The following LPP variants were observed in gnomAD, a reference collection of about 807,000 sequenced individuals.
LPP encodes the protein lipoma-preferred partner.
LPP carries 38 observed loss-of-function variants against 60.4 expected under a neutral mutation model. The observed-to-expected ratio is 0.63, with a 90% CI of 0.49 to 0.83. The LOEUF is 0.83. LPP is among the 40% of genes least tolerant of loss of function. The pLI, the probability that LPP is intolerant of heterozygous loss-of-function variation, is 0.00. For missense variants in LPP, 902 were observed against 783.6 expected, an observed-to-expected ratio of 1.15 and a Z score of -1.80; for synonymous variants, 328 against 290.8, an observed-to-expected ratio of 1.13 and a Z score of -1.30.
At chr3:188,216,882 G>A (rs1713826055) in intron 1 of LPP, among the ~76,000 whole-genome samples, 1 of 152,250 alleles carries the variant, frequency 6.6e-6, no homozygotes, top group Admixed American at 6.5e-5. Context: ...GTTAGCCACA[G>A]TGCAGGGCTA....
At chr3:188,689,017 G>T (rs1169779534) in intron 7 of LPP, among the ~76,000 whole-genome samples, 1 of 152,344 alleles carries the variant, frequency 6.6e-6, no homozygotes, top group African/African-American at 2.4e-5. Context: ...AACGAGAAAA[G>T]AATGAGATGT....
At chr3:188,447,701 G>A (rs555259208) in intron 4 of LPP, among the ~76,000 whole-genome samples, 19 of 150,846 alleles carry the variant, frequency 1.3e-4, no homozygotes, top group East Asian at 9.8e-4. Context: ...CTTAAAACCC[G>A]GGAAGTGGAG....
At chr3:188,669,818 G>A (rs1163591620) in intron 7 of LPP, among the ~76,000 whole-genome samples, 2 of 152,144 alleles carry the variant, frequency 1.3e-5, no homozygotes, top group Non-Finnish European at 2.9e-5. Context: ...GTTTACTGCA[G>A]CACTCTTCAC....
intron 1 of LPP, among the ~76,000 whole-genome samples, chr3:188,171,459 C>T (rs1300039268): frequency 1.3e-5 from 2 of 152,226 alleles, no homozygotes; most frequent in Admixed American, 1.3e-4. Flanking sequence ...CTTCCTCTCT[C>T]CTCACCTTTT....
At chr3:188,555,416 C>T (rs1332878671) in intron 6 of LPP, among the ~76,000 whole-genome samples, 2 of 152,036 alleles carry the variant, frequency 1.3e-5, no homozygotes, top group African/African-American at 4.8e-5. Context: ...CCAGAAGTGA[C>T]AACACAAACT....
rs1057319659 is a variant in LPP, at chr3:188,727,233, TA to T, written c.1240+18841del. Reference sequence around the variant, plus strand: ...GGGATGATTATAAAAGTGTCTGTGATAGGGGGTTTTGGAGGATTAAATAAGT... The same window carrying T: ...GGGATGATTATAAAAGTGTCTGTGATGGGGGTTTTGGAGGATTAAATAAGT... On this transcript the variant is annotated intron_variant, in intron 8 of 11. Transcript: ENST00000617246. Among the ~76,000 whole-genome samples the T allele has an allele frequency of 1.6e-4, 25 of 152,288 alleles. 1 individual carries two copies. Among genetic ancestry groups the T allele is most frequent in the African/African-American group, 5.8e-4 (24 of 41,576 alleles).
chr3:188,781,434 C>A (rs534684716), intron 9 of LPP, among the ~76,000 whole-genome samples: 1 of 152,078 alleles, frequency 6.6e-6, no homozygotes, highest in Non-Finnish European at 1.5e-5. Flanking sequence ...ATACCTGATA[C>A]TGGGCAATTA....
At chr3:188,576,274 G>T (rs1464762994) in intron 6 of LPP, among the ~76,000 whole-genome samples, 1 of 152,052 alleles carries the variant, frequency 6.6e-6, no homozygotes, top group Non-Finnish European at 1.5e-5. Flanking sequence ...AATTGATATG[G>T]CCACTGTTGA....
chr3:188,405,039 C>G (rs1186755285), intron 3 of LPP, among the ~76,000 whole-genome samples: 1 of 152,168 alleles, frequency 6.6e-6, no homozygotes, highest in South Asian at 2.1e-4. Context: ...TGTTCCCCTC[C>G]TAGTTTAAGC....
At chr3:188,709,188 T>C (rs1487080651) in intron 8 of LPP, 2 of 152,120 alleles carry the variant, frequency 1.3e-5, no homozygotes, top group South Asian at 2.1e-4. Flanking sequence ...AATTTATGAA[T>C]TATATGCCGA....
At chr3:188,387,478 T>C (rs1778600013) in intron 3 of LPP, among the ~76,000 whole-genome samples, 1 of 152,148 alleles carries the variant, frequency 6.6e-6, no homozygotes, top group African/African-American at 2.4e-5. Flanking sequence ...AATTTTGCGA[T>C]GATTAACATT....
At chr3:188,802,770 G>A (rs1267944808) in intron 9 of LPP, among the ~76,000 whole-genome samples, 1 of 151,808 alleles carries the variant, frequency 6.6e-6, no homozygotes, top group Admixed American at 6.6e-5. Context: ...GGGAACAAGA[G>A]CGAGACTTTG....
At chr3:188,313,282 C>T (rs1395798477) in intron 2 of LPP, among the ~76,000 whole-genome samples, 5 of 149,010 alleles carry the variant, frequency 3.4e-5, no homozygotes, top group Non-Finnish European at 6.0e-5. Context: ...CTATTAGTTT[C>T]TCTTTTTCAG....
chr3:188,308,701 G>T (rs1181387871), intron 2 of LPP, among the ~76,000 whole-genome samples: 2 of 152,082 alleles, frequency 1.3e-5, no homozygotes, highest in East Asian at 3.9e-4. Context: ...CAAAATCCAG[G>T]GTGCTCCCCT....
At chr3:188,812,829 T>C (rs1441785314) in intron 9 of LPP, among the ~76,000 whole-genome samples, 1 of 152,032 alleles carries the variant, frequency 6.6e-6, no homozygotes, top group Non-Finnish European at 1.5e-5. Context: ...GTGTGTATTA[T>C]ATCTAAGAAA....
At chr3:188,323,068 GCTTC>G (rs1418625200) in intron 2 of LPP, among the ~76,000 whole-genome samples, 1 of 152,156 alleles carries the variant, frequency 6.6e-6, no homozygotes, top group Non-Finnish European at 1.5e-5. Context: ...GTAAGCAATT[GCTTC>G]TAAAAAGCTT....
chr3:188,701,447 T>A (rs2149591400), intron 7 of LPP, among the ~76,000 whole-genome samples: 1 of 152,350 alleles, frequency 6.6e-6, no homozygotes, highest in East Asian at 1.9e-4. Flanking sequence ...AAGCATTCAA[T>A]TTCCCATGAC....
intron 9 of LPP, among the ~76,000 whole-genome samples, chr3:188,803,081 A>G (rs867914484): frequency 3.2e-5 from 4 of 124,058 alleles, no homozygotes; most frequent in Non-Finnish European, 4.9e-5. Context: ...GTCTCACTCT[A>G]TTATTCAGGC....
At chr3:188,276,331 C>G (rs940959521) in intron 2 of LPP, among the ~76,000 whole-genome samples, 1 of 152,112 alleles carries the variant, frequency 6.6e-6, no homozygotes. Flanking sequence ...GTGGCCGGAC[C>G]CCAACTTCGT....
Sources: allele counts gnomAD v4.1 joint callset (sites outside exome capture counted in the v4.1 genomes callset), GRCh38; gene constraint gnomAD v4.1.1; transcripts MANE v1.5; gene names NCBI Gene and HGNC (gene_info 2026-07-23, HGNC 2026-07-21).